The following TENM2 variants were observed in gnomAD, a reference collection of about 807,000 sequenced individuals.
TENM2 encodes teneurin transmembrane protein 2.
A neutral mutation model predicts 245.2 loss-of-function variants in TENM2; 52 were observed. That is an observed-to-expected ratio of 0.21 (90% CI 0.17 to 0.27). The LOEUF (loss-of-function observed/expected upper bound fraction) is 0.27. Ranked by LOEUF, TENM2 falls within the 10% of genes least tolerant of loss-of-function variation. TENM2 has a pLI of 1.00. For synonymous variants in TENM2, 1,363 were observed against 1,438.9 expected (o/e 0.95, Z 1.19); for missense variants, 3,046 against 3,666.8 (o/e 0.83, Z 4.37).
At chr5:167,610,467 A>G (rs1191693090) in intron 2 of TENM2, among the ~76,000 whole-genome samples, 1 of 152,126 alleles carries the variant, frequency 6.6e-6, no homozygotes, top group East Asian at 1.9e-4. Flanking sequence ...CCATCCTGAA[A>G]CAATCTAGGG....
chr5:168,007,469 G>A (rs1246071821), intron 5 of TENM2, among the ~76,000 whole-genome samples: 1 of 152,174 alleles, frequency 6.6e-6, no homozygotes, highest in Admixed American at 6.5e-5. Context: ...GTATTGGAGA[G>A]GCTGATGTGA....
At chr5:167,989,765 AG>A in intron 4 of TENM2, among the ~76,000 whole-genome samples, 1 of 152,308 alleles carries the variant, frequency 6.6e-6, no homozygotes, top group African/African-American at 2.4e-5. Flanking sequence ...GCAAGGGAAA[AG>A]GAGGAAGTTC....
intron 2 of TENM2, among the ~76,000 whole-genome samples, chr5:167,496,577 G>A (rs1362765989): frequency 6.6e-6 from 1 of 152,010 alleles, no homozygotes; most frequent in Admixed American, 6.6e-5. Flanking sequence ...TTATTAGCAG[G>A]TGTAATTCAT....
chr5:167,945,718 A>G (rs17069417), intron 3 of TENM2, among the ~76,000 whole-genome samples: 2,975 of 152,278 alleles, frequency 0.02, 96 homozygotes, highest in African/African-American at 0.067. Flanking sequence ...CTGAGGTCAT[A>G]TATTTTGTGT....
At chr5:167,993,182 G>A (rs770231292) in exon 5 of TENM2, 2 of 1,613,038 alleles carry the variant, frequency 1.2e-6, no homozygotes, top group African/African-American at 1.3e-5. Flanking sequence ...GTATTTCATA[G>A]GTAAGTCAGG....
chr5:167,185,764 C>A, the TENM2 span, among the ~76,000 whole-genome samples: 1 of 151,936 alleles, frequency 6.6e-6, no homozygotes, highest in Admixed American at 6.6e-5. Context: ...TCAGATTAAC[C>A]ATAAGCCTCC....
rs144884163 is a variant in TENM2 at position 167,631,649 on chromosome 5, T to C, written c.503-244337T>C. 2.9e-4 allele frequency among the ~76,000 whole-genome samples: 44 copies of C among 152,222 alleles called. No individual in the cohort carries two copies. In the East Asian group the frequency reaches 8.5e-3, roughly 30 times the overall value. ...GCATGTACCATATTCCTACTACTGT[T>C]CCACACAAGACTCACCTCACTTCCT... is the stretch of plus-strand genomic sequence containing the variant. On this transcript the variant is annotated intron_variant, in intron 2 of 28. Transcript: ENST00000518659.
At chr5:168,248,260 G>A (rs1224907195) in exon 27 of TENM2, 1 of 1,614,002 alleles carries the variant, frequency 6.2e-7, no homozygotes, top group Non-Finnish European at 8.5e-7. Flanking sequence ...GACCTCCCCA[G>A]ACTATACCAT....
At chr5:167,943,181 T>C (rs2151783250) in intron 3 of TENM2, among the ~76,000 whole-genome samples, 1 of 152,310 alleles carries the variant, frequency 6.6e-6, no homozygotes, top group African/African-American at 2.4e-5. Flanking sequence ...AGTAAATAAT[T>C]CTGCTGAGCT....
chr5:167,102,842 A>C, the TENM2 span, among the ~76,000 whole-genome samples: 2 of 152,280 alleles, frequency 1.3e-5, no homozygotes, highest in Middle Eastern at 3.4e-3. Context: ...TATTTTTAGT[A>C]GAGACGGGGG....
At chr5:167,158,501 T>C in the TENM2 span, among the ~76,000 whole-genome samples, 66 of 152,272 alleles carry the variant, frequency 4.3e-4, 1 homozygote, top group African/African-American at 1.5e-3. Context: ...CTGTCATAGA[T>C]TGTGTGGCTT....
intron 2 of TENM2, among the ~76,000 whole-genome samples, chr5:167,794,238 A>G (rs1349994934): frequency 6.6e-6 from 1 of 152,156 alleles, no homozygotes; most frequent in East Asian, 1.9e-4. Context: ...CGTTTGCCAA[A>G]TAAAACACTT....
chr5:167,227,874 T>G, the TENM2 span, among the ~76,000 whole-genome samples: 1 of 152,296 alleles, frequency 6.6e-6, no homozygotes, highest in South Asian at 2.1e-4. Flanking sequence ...TCTTTACAAC[T>G]GAGACATCAG....
chr5:167,342,910 G>T (rs538377701), intron 1 of TENM2, among the ~76,000 whole-genome samples: 1 of 150,594 alleles, frequency 6.6e-6, no homozygotes, highest in South Asian at 2.1e-4. Flanking sequence ...CACTTTAAGA[G>T]TAGGGAGTTA....
chr5:167,333,370 A>G (rs1046549400), intron 1 of TENM2, among the ~76,000 whole-genome samples: 5 of 152,186 alleles, frequency 3.3e-5, no homozygotes, highest in African/African-American at 1.2e-4. Context: ...ACCTCTCGTA[A>G]GATTATTTAA....
chr5:167,341,689 C>T (rs928546066), intron 1 of TENM2, among the ~76,000 whole-genome samples: 22 of 151,176 alleles, frequency 1.5e-4, no homozygotes, highest in African/African-American at 4.8e-4. Flanking sequence ...TTGGTTCATT[C>T]ATTTTATATA....
chr5:167,255,483 TA>T, the TENM2 span, among the ~76,000 whole-genome samples: 3 of 152,158 alleles, frequency 2.0e-5, no homozygotes, highest in African/African-American at 7.2e-5. Context: ...ATGAAATAGT[TA>T]AGGGAATTGG....
chr5:167,948,123 G>A (rs1434553371), intron 3 of TENM2, among the ~76,000 whole-genome samples: 3 of 152,166 alleles, frequency 2.0e-5, no homozygotes, highest in Non-Finnish European at 1.5e-5. Context: ...TGTTTAAAAC[G>A]TGGGCATTGA....
At chr5:167,947,036 G>A (rs1779682536) in intron 3 of TENM2, among the ~76,000 whole-genome samples, 2 of 152,174 alleles carry the variant, frequency 1.3e-5, no homozygotes, top group South Asian at 4.2e-4. Context: ...AATAGCTCCT[G>A]GCCACGTCAC....
Sources: allele counts gnomAD v4.1 joint callset (sites outside exome capture counted in the v4.1 genomes callset), GRCh38; gene constraint gnomAD v4.1.1; transcripts MANE v1.5; gene names NCBI Gene and HGNC (gene_info 2026-07-23, HGNC 2026-07-21).